The following CPNE4 variants were observed in gnomAD, a reference collection of about 807,000 sequenced individuals.
CPNE4 encodes copine 4, also known as copine-4.
In CPNE4, 25 loss-of-function variants were observed where a neutral mutation model predicts 67.9. That is an observed-to-expected ratio of 0.37 (90% CI 0.27 to 0.51). CPNE4 has a LOEUF of 0.51. Ranked by LOEUF, CPNE4 falls within the 20% of genes least tolerant of loss-of-function variation. The pLI is 0.93. For missense variants in CPNE4, 464 were observed against 690.8 expected (o/e 0.67, Z 3.68); for synonymous variants, 242 against 244.9 (o/e 0.99, Z 0.11).
At chr3:131,778,141 G>A (rs1191432918) in intron 2 of CPNE4, among the ~76,000 whole-genome samples, 3 of 152,092 alleles carry the variant, frequency 2.0e-5, no homozygotes, top group Non-Finnish European at 4.4e-5. Context: ...CTGTTCCCTG[G>A]AAATCAATGA....
intron 7 of CPNE4, among the ~76,000 whole-genome samples, chr3:131,641,406 G>T (rs1409814945): frequency 6.6e-6 from 1 of 152,074 alleles, no homozygotes; most frequent in African/African-American, 2.4e-5. Context: ...CAAGCATATG[G>T]AAAAATGCTC....
chr3:131,569,660 A>G (rs984934452), intron 10 of CPNE4, among the ~76,000 whole-genome samples: 2 of 150,402 alleles, frequency 1.3e-5, no homozygotes, highest in East Asian at 3.9e-4. Flanking sequence ...AAACAAAAAA[A>G]AACAAAAAAA....
chr3:131,654,267 T>G (rs1387663277), intron 7 of CPNE4, among the ~76,000 whole-genome samples: 1 of 152,142 alleles, frequency 6.6e-6, no homozygotes, highest in Non-Finnish European at 1.5e-5. Context: ...TAATCTTTTA[T>G]TTTAGGTTGA....
intron 1 of CPNE4, among the ~76,000 whole-genome samples, chr3:131,968,057 A>G (rs2072401163): frequency 6.6e-6 from 1 of 152,172 alleles, no homozygotes. Context: ...AACACCACAC[A>G]TCTACAACCA....
At chr3:131,791,960 T>C (rs2083736347) in intron 2 of CPNE4, among the ~76,000 whole-genome samples, 2 of 152,136 alleles carry the variant, frequency 1.3e-5, no homozygotes, top group African/African-American at 2.4e-5. Flanking sequence ...ATTTCAGATA[T>C]AGGGCTATAA....
chr3:131,848,384 T>C (rs984735486), intron 2 of CPNE4, among the ~76,000 whole-genome samples: 1 of 152,168 alleles, frequency 6.6e-6, no homozygotes, highest in Admixed American at 6.6e-5. Context: ...CTTTATCTCA[T>C]CACACTAGTC....
At chr3:131,958,462 G>C (rs903778572) in intron 1 of CPNE4, among the ~76,000 whole-genome samples, 2 of 152,016 alleles carry the variant, frequency 1.3e-5, no homozygotes, top group African/African-American at 4.8e-5. Flanking sequence ...GTTTCAGCAA[G>C]CTCCCTAGGC....
chr3:131,674,119 T>C (rs2080498832), intron 6 of CPNE4, among the ~76,000 whole-genome samples: 1 of 152,152 alleles, frequency 6.6e-6, no homozygotes. Context: ...ATCACATTGA[T>C]TGATTTGCAT....
chr3:131,741,980 C>A (rs2082368229), intron 2 of CPNE4, among the ~76,000 whole-genome samples: 1 of 152,162 alleles, frequency 6.6e-6, no homozygotes, highest in Non-Finnish European at 1.5e-5. Context: ...TTGTCTTTGT[C>A]ATGTGAGGAT....
intron 7 of CPNE4, among the ~76,000 whole-genome samples, chr3:131,606,721 G>A (rs982080200): frequency 1.3e-5 from 2 of 152,092 alleles, no homozygotes; most frequent in Admixed American, 1.3e-4. Context: ...ACCTGGGTCT[G>A]GATCCTGGGT....
chr3:131,811,522 G>C (rs974618721), intron 2 of CPNE4, among the ~76,000 whole-genome samples: 4 of 151,990 alleles, frequency 2.6e-5, no homozygotes, highest in African/African-American at 9.7e-5. Context: ...CACCTAGTAC[G>C]AACTGAAGCC....
At chr3:131,630,047 T>C (rs1213705099) in intron 7 of CPNE4, among the ~76,000 whole-genome samples, 1 of 152,180 alleles carries the variant, frequency 6.6e-6, no homozygotes, top group Non-Finnish European at 1.5e-5. Context: ...GTGAGGTGAA[T>C]GATGTAGGCA....
At chr3:131,792,548 G>A (rs781130678) in intron 2 of CPNE4, among the ~76,000 whole-genome samples, 39 of 143,588 alleles carry the variant, frequency 2.7e-4, no homozygotes, top group Non-Finnish European at 5.1e-4. Flanking sequence ...ATCCCAATGT[G>A]TACCTGCCGA....
chr3:131,630,302 T>C (rs6439307), intron 7 of CPNE4, among the ~76,000 whole-genome samples: 41,972 of 152,140 alleles, frequency 0.28, 9,515 homozygotes, highest in African/African-American at 0.63. Context: ...CCAAAGGGCA[T>C]GAGTAGTAAT....
intron 6 of CPNE4, among the ~76,000 whole-genome samples, chr3:131,670,832 A>G (rs36003917): frequency 0.33 from 50,187 of 151,440 alleles, 8,659 homozygotes; most frequent in African/African-American, 0.4. Flanking sequence ...TTTTTTTGAG[A>G]TGGATTTTTG....
At chr3:131,898,988 T>C (rs1342333697) in intron 2 of CPNE4, among the ~76,000 whole-genome samples, 1 of 152,154 alleles carries the variant, frequency 6.6e-6, no homozygotes, top group Non-Finnish European at 1.5e-5. Context: ...TTATCATCTG[T>C]CATGCTGGGT....
intron 1 of CPNE4, among the ~76,000 whole-genome samples, chr3:132,024,596 A>G (rs2074077296): frequency 3.9e-5 from 6 of 152,198 alleles, no homozygotes. Context: ...AATCACCCTT[A>G]TAATTATTTG....
At chr3:131,757,056 T>C (rs923336327) in intron 2 of CPNE4, among the ~76,000 whole-genome samples, 22 of 152,298 alleles carry the variant, frequency 1.4e-4, no homozygotes, top group Admixed American at 5.2e-4. Flanking sequence ...CTTCCCAGTC[T>C]CAGATATATC....
intron 2 of CPNE4, among the ~76,000 whole-genome samples, chr3:131,803,075 G>A (rs573886560): frequency 6.6e-6 from 1 of 152,132 alleles, no homozygotes; most frequent in Non-Finnish European, 1.5e-5. Flanking sequence ...GTAGTGAAAG[G>A]TTACAAAAAT....
Sources: gnomAD v4.1 joint callset for allele counts (sites outside exome capture counted in the v4.1 genomes callset) on GRCh38, gnomAD v4.1.1 for gene constraint, MANE v1.5 for transcripts, NCBI Gene and HGNC (gene_info 2026-07-23, HGNC 2026-07-21) for gene names.